The following PTDSS1 variants were observed in gnomAD, a reference collection of about 807,000 sequenced individuals.
PTDSS1 encodes phosphatidylserine synthase 1.
Under a neutral mutation model 70.5 loss-of-function variants are expected in PTDSS1, and 45 were observed. The ratio of observed to expected loss-of-function variants is 0.64; its 90% CI spans 0.50 to 0.82. PTDSS1 has a LOEUF of 0.82. Among genes scored for constraint, PTDSS1 ranks in the 40% least tolerant of loss-of-function variants. The pLI is 0.00. For missense variants in PTDSS1, 417 were observed against 586.1 expected, an observed-to-expected ratio of 0.71 and a Z score of 2.98; for synonymous variants, 188 against 203.8, an observed-to-expected ratio of 0.92 and a Z score of 0.66.
chr8:96,262,366 C>A lies in PTDSS1; in HGVS notation c.179+147C>A. On this transcript the variant is annotated intron_variant, in intron 1 of 12. Transcript: ENST00000517309. The surrounding 1 kb of genome is among the most constrained non-coding windows in gnomAD (Gnocchi z 4.4). The stretch of plus-strand genomic sequence containing the variant: ...ACACGCACTGGCAGCCCGCCGCCCA[C>A]GCGGCCCCTCCGCCCGCCCGGTGTC... 1 of 1,099,126 alleles carries A rather than the reference C, an allele frequency of 9.1e-7. No individual in the cohort carries two copies. Among genetic ancestry groups the A allele is most frequent in the Non-Finnish European group, 1.3e-6 (1 of 794,146 alleles). 68.1% of individuals were successfully genotyped at this position (1,099,126 alleles called of 1,614,324 possible).
chr8:96,331,191 G>A (rs982712697), intron 12 of PTDSS1, 96 bp downstream of exon 12: 5 of 1,203,470 alleles, frequency 4.2e-6, no homozygotes, highest in Non-Finnish European at 6.1e-6. Flanking sequence ...AAGCCTTGAA[G>A]GGTCTCAGGC....
intron 9 of PTDSS1, among the ~76,000 whole-genome samples, chr8:96,318,156 C>T (rs778433040): frequency 7.9e-5 from 12 of 151,984 alleles, no homozygotes; most frequent in Non-Finnish European, 1.3e-4. Flanking sequence ...GAAACCCCGC[C>T]TCTACTAAAA....
chr8:96,321,825 A>G (rs1046003542), intron 10 of PTDSS1, among the ~76,000 whole-genome samples: 1 of 152,218 alleles, frequency 6.6e-6, no homozygotes, highest in Non-Finnish European at 1.5e-5. Flanking sequence ...TTCATCTTGA[A>G]CAATAAAAGG....
intron 11 of PTDSS1, 158 bp downstream of exon 11, chr8:96,330,439 C>T: frequency 1.5e-6 from 1 of 674,024 alleles, no homozygotes; most frequent in East Asian, 2.7e-5. Context: ...ACAACTCATT[C>T]CCTAGCCATT....
At chr8:96,294,391 A>G (rs546619717) in intron 4 of PTDSS1, among the ~76,000 whole-genome samples, 11 of 152,342 alleles carry the variant, frequency 7.2e-5, no homozygotes, top group South Asian at 6.2e-4. Context: ...ATATTATCAT[A>G]TTGTCATGCA....
rs115108050 is a variant in PTDSS1, at chr8:96,322,360, G to A, written c.1173+2015G>A. Among the ~76,000 whole-genome samples the A allele has an allele frequency of 4.1e-3, 620 of 152,276 alleles. 6 individuals carry two copies. The highest frequency in any genetic ancestry group is 0.013 in the African/African-American group (555 of 41,550). On this transcript the variant is annotated intron_variant, in intron 10 of 12. Transcript: ENST00000517309. Reference sequence around the variant, plus strand: ...TCTGACAGCTGGGAAGTCCAAGAGCGTGGTACCAGTATCTGGCAAGGGTCA... The same window carrying A: ...TCTGACAGCTGGGAAGTCCAAGAGCATGGTACCAGTATCTGGCAAGGGTCA...
At chr8:96,274,124 C>G (rs957032847) in intron 2 of PTDSS1, among the ~76,000 whole-genome samples, 7 of 151,952 alleles carry the variant, frequency 4.6e-5, no homozygotes, top group Admixed American at 1.3e-4. Context: ...CACTTCTAAA[C>G]GCTCACTCTT....
At chr8:96,265,747 C>T (rs539680711) in intron 1 of PTDSS1, among the ~76,000 whole-genome samples, 164 of 152,314 alleles carry the variant, frequency 1.1e-3, no homozygotes, top group Non-Finnish European at 1.8e-3. Flanking sequence ...ACTCACTCGA[C>T]AGAATGAGAC....
chr8:96,282,639 C>T (rs1173787385), intron 2 of PTDSS1, among the ~76,000 whole-genome samples: 1 of 152,166 alleles, frequency 6.6e-6, no homozygotes, highest in East Asian at 1.9e-4. Context: ...GTACTTGTAA[C>T]TGATTTTCAT....
At chr8:96,329,160 C>G (rs555647641) in intron 10 of PTDSS1, among the ~76,000 whole-genome samples, 36 of 152,240 alleles carry the variant, frequency 2.4e-4, no homozygotes, top group African/African-American at 8.7e-4. Flanking sequence ...ACAGTTGGTG[C>G]AAGATGAGAG....
intron 10 of PTDSS1, among the ~76,000 whole-genome samples, chr8:96,322,025 G>A (rs1340018960): frequency 6.6e-6 from 1 of 152,120 alleles, no homozygotes; most frequent in African/African-American, 2.4e-5. Flanking sequence ...GGACCTGACT[G>A]CAGGGGGCAG....
chr8:96,278,728 G>A lies in PTDSS1; in HGVS notation c.271+5338G>A, dbSNP rs116733342. On this transcript the variant is annotated intron_variant, in intron 2 of 12. Coordinates refer to ENST00000517309, the MANE Select transcript of PTDSS1 (RefSeq NM_014754.3). The stretch of plus-strand genomic sequence containing the variant: ...AGTTGGCTGGAGATTTCTTTCAACG[G>A]TCGACCTTCTGGTGTACATTTCCTG... Among the ~76,000 whole-genome samples, 1,321 of 152,132 alleles carry A rather than the reference G, an allele frequency of 8.7e-3. 23 individuals are homozygous for A. Among genetic ancestry groups the A allele is most frequent in the African/African-American group, 0.029 (1,224 of 41,492 alleles).
rs1323925497 is a variant in PTDSS1 at position 96,310,169 on chromosome 8, C to T, written c.1073+547C>T. Among the ~76,000 whole-genome samples, 72 of 139,724 alleles carry T rather than the reference C, an allele frequency of 5.2e-4. No homozygotes were observed. In the South Asian group the frequency reaches 0.014, roughly 26 times the overall value. The allele number at this position is 139,724 out of a possible 152,430, so 91.7% of individuals were successfully genotyped here. A position where few individuals can be genotyped will look rare whatever the true frequency, so the allele number is the denominator to read the frequency against. On this transcript the variant is annotated intron_variant, in intron 9 of 12. Transcript: ENST00000517309. ...CAGACAAAAAGAAATGGATCTCTCTCTTTTTTTTTTTTTTTGAGATGGAGT... is the reference window on the plus strand; with the variant it reads ...CAGACAAAAAGAAATGGATCTCTCTTTTTTTTTTTTTTTTTGAGATGGAGT...
rs1041463980 is a variant in PTDSS1 at position 96,273,399 on chromosome 8, T to A, written c.271+9T>A. On this transcript the variant is annotated intron_variant, in intron 2 of 12. Transcript: ENST00000517309. ...GTTAGCTTTCCCCAATGGTAAGTAA[T>A]GTCATGCATTACCACATTTCTCCTA... The A allele has an allele frequency of 6.3e-7, 1 of 1,584,022 alleles. No individual in the cohort carries two copies. Among genetic ancestry groups the A allele is most frequent in the Non-Finnish European group, 8.6e-7 (1 of 1,159,920 alleles).
chr8:96,303,695 A>G lies in PTDSS1; in HGVS notation c.753-345A>G, dbSNP rs188738259. On this transcript the variant is annotated intron_variant, in intron 6 of 12. Coordinates refer to ENST00000517309, the MANE Select transcript of PTDSS1 (RefSeq NM_014754.3). ...GAAGAAAGGTTAAATATCACTGTTC[A>G]TCAACCCAAAATGTTTACTGCTCTG... 2.6e-4 allele frequency among the ~76,000 whole-genome samples: 39 copies of G among 152,334 alleles called. No individual in the cohort carries two copies. The East Asian group carries it at 7.3e-3, about 29-fold the overall frequency.
intron 1 of PTDSS1, among the ~76,000 whole-genome samples, chr8:96,266,428 T>C (rs1563558233): frequency 6.6e-6 from 1 of 152,228 alleles, no homozygotes; most frequent in Non-Finnish European, 1.5e-5. Context: ...TTTCCCTTAT[T>C]GGCTTTGGAA....
intron 7 of PTDSS1, among the ~76,000 whole-genome samples, chr8:96,305,199 G>A (rs1006799699): frequency 3.3e-5 from 5 of 152,194 alleles, no homozygotes; most frequent in Admixed American, 6.5e-5. Flanking sequence ...GTATAGTGCC[G>A]TTAGGATGGA....
At chr8:96,304,319 G>A (rs1434509031) in intron 7 of PTDSS1, 138 bp downstream of exon 7, 4 of 1,073,964 alleles carry the variant, frequency 3.7e-6, no homozygotes, top group Admixed American at 3.2e-5. Flanking sequence ...CAGCTGGCAT[G>A]TAGAATAATT....
chr8:96,288,575 T>C (rs112456568), intron 4 of PTDSS1, among the ~76,000 whole-genome samples: 13,123 of 149,986 alleles, frequency 0.087, 1,877 homozygotes, highest in African/African-American at 0.3. Flanking sequence ...ATCTGCCTGC[T>C]TCGGCCTCCT....
Sources: allele counts gnomAD v4.1 joint callset (sites outside exome capture counted in the v4.1 genomes callset), GRCh38; gene constraint gnomAD v4.1.1; non-coding constraint Gnocchi (gnomAD v3.1); transcripts MANE v1.5; gene names NCBI Gene and HGNC (gene_info 2026-07-23, HGNC 2026-07-21).